Variants in C17orf75 observed in about 807,000 individuals in gnomAD.
C17orf75 encodes protein Njmu-R1.
A neutral mutation model predicts 49.6 loss-of-function variants in C17orf75; 32 were observed. The observed-to-expected ratio is 0.65, with a 90% CI of 0.49 to 0.87. C17orf75 has a LOEUF of 0.87. Ranked by LOEUF, C17orf75 falls within the 40% of genes least tolerant of loss-of-function variation. The pLI, the probability that C17orf75 is intolerant of heterozygous loss-of-function variation, is 0.00. For synonymous variants in C17orf75, 158 were observed against 159.5 expected (o/e 0.99, Z 0.07); for missense variants, 428 against 473.9 (o/e 0.90, Z 0.90).
chr17:32,341,783 T>G, intron 1 of C17orf75: 1 of 1,042,548 alleles, frequency 9.6e-7, no homozygotes, highest in Non-Finnish European at 1.2e-6. Flanking sequence ...GGCACAGGCA[T>G]GGTTGGGCCA....
At chr17:32,345,816 G>C (rs551023000), upstream of C17orf75, among the ~76,000 whole-genome samples, 1 of 152,124 alleles carries the variant, frequency 6.6e-6, no homozygotes, top group Admixed American at 6.5e-5. Flanking sequence ...AAAGTGCTGG[G>C]ATTACAGGCA....
intron 8 of C17orf75, 103 bp from the exon 9 acceptor site, chr17:32,333,623 G>C: frequency 1.0e-6 from 1 of 997,506 alleles, no homozygotes; most frequent in Non-Finnish European, 1.5e-6. Flanking sequence ...CGGCTGGAGT[G>C]CAGCCGGAGT....
chr17:32,349,222 T>TA (rs984392644), intron 1 of C17orf75, among the ~76,000 whole-genome samples: 2 of 152,176 alleles, frequency 1.3e-5, no homozygotes, highest in African/African-American at 4.8e-5. Context: ...CTCAAAGACT[T>TA]AAACTCTTTG....
intron 1 of C17orf75, among the ~76,000 whole-genome samples, chr17:32,348,472 T>C (rs2041445435): frequency 6.6e-6 from 1 of 152,186 alleles, no homozygotes; most frequent in African/African-American, 2.4e-5. Context: ...CTGAGACAAA[T>C]AATGTTAAAA....
intron 1 of C17orf75, 73 bp from the exon 2 acceptor site, chr17:32,341,357 C>G: frequency 6.7e-7 from 1 of 1,481,742 alleles, no homozygotes; most frequent in South Asian, 1.1e-5. Flanking sequence ...GCCTGGCAAG[C>G]AGGGTAAGGC....
intron 2 of C17orf75, among the ~76,000 whole-genome samples, chr17:32,340,704 C>T (rs1015573458): frequency 1.3e-5 from 2 of 151,474 alleles, no homozygotes; most frequent in African/African-American, 4.9e-5. Context: ...AATCCCAACA[C>T]TTTGCGAGGC....
intron 2 of C17orf75, among the ~76,000 whole-genome samples, chr17:32,340,216 C>T (rs1265582628): frequency 6.6e-6 from 1 of 152,194 alleles, no homozygotes; most frequent in Non-Finnish European, 1.5e-5. Flanking sequence ...TTCAGTCTCT[C>T]AAGTTTCTCA....
intron 3 of C17orf75, among the ~76,000 whole-genome samples, chr17:32,339,226 T>A (rs546473615): frequency 1.1e-3 from 170 of 148,052 alleles, no homozygotes; most frequent in African/African-American, 3.8e-3. Context: ...AAACTCTGAG[T>A]TTATTTCCTC....
rs1404177065 is a variant in C17orf75 at position 32,329,685 on chromosome 17, C to T, written c.*2078G>A. ...ATTTACAACATAGACTCTTGAATGACATGAATTTGAAAATGAAGTATTTTT... is the reference window on the plus strand; with the variant it reads ...ATTTACAACATAGACTCTTGAATGATATGAATTTGAAAATGAAGTATTTTT... On this transcript the variant is annotated 3_prime_UTR_variant, in exon 10 of 10. Transcript: ENST00000577809. 6.6e-6 allele frequency: 1 copy of T among 152,064 alleles called. No homozygotes were observed. The highest frequency in any genetic ancestry group is 1.5e-5 in the Non-Finnish European group (1 of 68,020). 9.4% of individuals were successfully genotyped at this position (152,064 alleles called of 1,614,324 possible). A position where few individuals can be genotyped will look rare whatever the true frequency, so the allele number is the denominator to read the frequency against.
intron 5 of C17orf75, among the ~76,000 whole-genome samples, chr17:32,336,873 C>T: frequency 6.6e-6 from 1 of 152,148 alleles, no homozygotes; most frequent in Non-Finnish European, 1.5e-5. Flanking sequence ...AGGCTGGGTG[C>T]AGTGGTTCAT....
At chr17:32,334,087 A>G (rs934202995) in intron 8 of C17orf75, among the ~76,000 whole-genome samples, 1 of 152,354 alleles carries the variant, frequency 6.6e-6, no homozygotes, top group Middle Eastern at 3.4e-3. Context: ...TGACACAAGT[A>G]GCTCTAGTTC....
intron 1 of C17orf75, among the ~76,000 whole-genome samples, chr17:32,348,043 A>G (rs976117110): frequency 4.7e-5 from 7 of 149,692 alleles, no homozygotes. Context: ...TTTGAGACAG[A>G]GTCTTGCTCT....
rs768439753 is a variant in C17orf75, at chr17:32,341,271, G to T, written c.154C>A (p.Arg52=). 2.5e-6 allele frequency: 4 copies of T among 1,613,874 alleles called. No individual in the cohort carries two copies. Among genetic ancestry groups the T allele is most frequent in the Non-Finnish European group, 3.4e-6 (4 of 1,179,876 alleles). ...GGGCTTCCGTCCTCACTGTCCCCTC[G>T]TTGCTGTGCCAATCTACAAGCCACA... ...SYRGSRLAQQ[R]GDSEDGSPSG... Residue 52 remains arginine (R), a synonymous_variant, in exon 2 of 10, where the codon CGA becomes AGA. Transcript: ENST00000577809.
intron 1 of C17orf75, among the ~76,000 whole-genome samples, chr17:32,349,549 C>T (rs1057152362): frequency 9.9e-5 from 15 of 151,844 alleles, no homozygotes; most frequent in South Asian, 2.1e-4. Context: ...CCGCTGCACT[C>T]CAGCCTGGGA....
At chr17:32,341,898 GGCCGGGCCGCTGGGCC>G (rs1268117911) in intron 1 of C17orf75, 86 bp downstream of exon 1, 3 of 1,104,382 alleles carry the variant, frequency 2.7e-6, no homozygotes, top group Non-Finnish European at 3.3e-6. Context: ...TTTTAGGAGC[GGCCGGGCCGCTGGGCC>G]GGGGGTGGGG....
intron 4 of C17orf75, 104 bp from the exon 5 acceptor site, chr17:32,338,058 C>G: frequency 6.6e-7 from 1 of 1,518,154 alleles, no homozygotes; most frequent in Non-Finnish European, 9.0e-7. Context: ...CAAATGCAAA[C>G]AAGCCAAGGC....
upstream of C17orf75, chr17:32,343,831 A>G: frequency 1.5e-6 from 1 of 674,056 alleles, no homozygotes; most frequent in Non-Finnish European, 2.7e-6. Flanking sequence ...CTCTTGAGAT[A>G]TACTTGATTT....
chr17:32,342,839 T>C (rs1024863251), upstream of C17orf75, among the ~76,000 whole-genome samples: 4 of 152,202 alleles, frequency 2.6e-5, no homozygotes, highest in African/African-American at 9.6e-5. Context: ...CCTTCCAGTC[T>C]CTGCCCATTA....
rs2041274621 is a variant in C17orf75, at chr17:32,331,694, A to G, written c.*69T>C. 4 of 1,255,928 alleles carry G rather than the reference A, an allele frequency of 3.2e-6. No individual in the cohort carries two copies. The highest frequency in any genetic ancestry group is 3.5e-6 in the Non-Finnish European group (3 of 868,678). 77.8% of individuals were successfully genotyped at this position (1,255,928 alleles called of 1,614,324 possible). ...TTAAATAGCAATCCTATGAACAATT[A>G]TAACTGCAATTTCAAACACTAAGAC... On this transcript the variant is annotated 3_prime_UTR_variant, in exon 10 of 10. Coordinates refer to ENST00000577809, the MANE Select transcript of C17orf75 (RefSeq NM_022344.4).
Sources: gnomAD v4.1 joint callset for allele counts (sites outside exome capture counted in the v4.1 genomes callset) on GRCh38, gnomAD v4.1.1 for gene constraint, MANE v1.5 for transcripts, NCBI Gene and HGNC (gene_info 2026-07-23, HGNC 2026-07-21) for gene names.